Variants in DLG2 observed in about 807,000 individuals in gnomAD.
DLG2 encodes disks large homolog 2.
Under a neutral mutation model 132.5 loss-of-function variants are expected in DLG2, and 45 were observed. The observed-to-expected ratio is 0.34, with a 90% confidence interval of 0.27 to 0.44. DLG2 has a LOEUF of 0.44. Ranked by LOEUF, DLG2 falls within the 20% of genes least tolerant of loss-of-function variation. The pLI is 1.00. For synonymous variants in DLG2, 424 were observed against 419.6 expected, an observed-to-expected ratio of 1.01 and a Z score of -0.13; for missense variants, 1,045 against 1,196.9, an observed-to-expected ratio of 0.87 and a Z score of 1.87.
At chr11:84,927,854 G>A (rs147608967) in intron 6 of DLG2, among the ~76,000 whole-genome samples, 76 of 152,040 alleles carry the variant, frequency 5.0e-4, no homozygotes, top group African/African-American at 1.5e-3. Flanking sequence ...GTGCATCAGT[G>A]TATGTTAGGA....
At chr11:83,753,824 CAT>C (rs562723645) in intron 18 of DLG2, among the ~76,000 whole-genome samples, 1,616 of 36,658 alleles carry the variant, frequency 0.044, 169 homozygotes, top group African/African-American at 0.22. Context: ...ATATATATTT[CAT>C]ATATATATGA....
intron 18 of DLG2, among the ~76,000 whole-genome samples, chr11:83,704,495 G>C (rs548744985): frequency 6.6e-6 from 1 of 151,758 alleles, no homozygotes; most frequent in South Asian, 2.1e-4. Context: ...TTGAAAAATA[G>C]TTTCTGGTTT....
intron 3 of DLG2, among the ~76,000 whole-genome samples, chr11:85,348,731 T>C (rs915522491): frequency 2.6e-5 from 4 of 152,080 alleles, no homozygotes; most frequent in African/African-American, 9.7e-5. Flanking sequence ...TAGGAGTCAT[T>C]CCAGATTCTT....
chr11:84,960,798 G>T (rs750224602), intron 6 of DLG2, among the ~76,000 whole-genome samples: 1 of 151,680 alleles, frequency 6.6e-6, no homozygotes, highest in African/African-American at 2.4e-5. Context: ...ACTGATTTTT[G>T]ATGATGATGA....
At chr11:85,044,950 C>T (rs533476931) in intron 6 of DLG2, among the ~76,000 whole-genome samples, 1 of 152,118 alleles carries the variant, frequency 6.6e-6, no homozygotes, top group East Asian at 1.9e-4. Context: ...TGGCAGGATA[C>T]TGATATAACT....
At chr11:85,598,592 C>T (rs1478875527) in intron 3 of DLG2, 65 bp downstream of exon 3, 1 of 1,238,310 alleles carries the variant, frequency 8.1e-7, no homozygotes, top group South Asian at 2.0e-5. Context: ...TCTTTGACCA[C>T]ATTATTCAAA....
At chr11:85,091,061 G>A (rs2068687350) in intron 6 of DLG2, among the ~76,000 whole-genome samples, 1 of 152,110 alleles carries the variant, frequency 6.6e-6, no homozygotes, top group Non-Finnish European at 1.5e-5. Context: ...TTACAGAGAG[G>A]ACTATGCCAA....
chr11:84,375,561 ATATC>A (rs1423609597), intron 7 of DLG2, among the ~76,000 whole-genome samples: 5 of 152,104 alleles, frequency 3.3e-5, no homozygotes, highest in Admixed American at 6.6e-5. Context: ...TAAAATGTGG[ATATC>A]TATCTTTTTG....
intron 7 of DLG2, among the ~76,000 whole-genome samples, chr11:84,295,282 T>A (rs566367785): frequency 6.6e-6 from 1 of 152,202 alleles, no homozygotes; most frequent in Non-Finnish European, 1.5e-5. Flanking sequence ...TTGGGGGTTA[T>A]GTTAAAATAA....
At chr11:85,546,104 C>T (rs533915458) in intron 3 of DLG2, among the ~76,000 whole-genome samples, 62 of 152,000 alleles carry the variant, frequency 4.1e-4, no homozygotes, top group East Asian at 1.9e-4. Flanking sequence ...TTTAGATCTC[C>T]CCTGCTTTCT....
chr11:83,499,898 T>TATATATATATAA (rs1555113167), intron 21 of DLG2, among the ~76,000 whole-genome samples: 8 of 96,500 alleles, frequency 8.3e-5, no homozygotes, highest in Non-Finnish European at 1.3e-4. Context: ...TATATATATA[T>TATATATATATAA]CAGTTCTGTC....
chr11:85,398,340 T>C lies in DLG2; in HGVS notation c.41-112975A>G, dbSNP rs576960779. Among the ~76,000 whole-genome samples the C allele has an allele frequency of 1.4e-4, 22 of 152,228 alleles. 1 individual carries two copies. Among genetic ancestry groups the C allele is most frequent in the African/African-American group, 4.3e-4 (18 of 41,534 alleles). Reference sequence around the variant, plus strand: ...AAGAGAAAACAGGAAAGATCTAAAATTGACACCTTAACATCATAATTAAAA... The same window carrying C: ...AAGAGAAAACAGGAAAGATCTAAAACTGACACCTTAACATCATAATTAAAA... On this transcript the variant is annotated intron_variant, in intron 3 of 27. Transcript: ENST00000376104.
chr11:85,094,735 A>C (rs967915985), intron 6 of DLG2, among the ~76,000 whole-genome samples: 1 of 152,228 alleles, frequency 6.6e-6, no homozygotes, highest in Admixed American at 6.5e-5. Flanking sequence ...CCATATCAGC[A>C]ATAAGGTTGT....
intron 6 of DLG2, among the ~76,000 whole-genome samples, chr11:85,010,951 A>T (rs2059103392): frequency 6.6e-6 from 1 of 152,196 alleles, no homozygotes; most frequent in African/African-American, 2.4e-5. Flanking sequence ...AATTATAAAA[A>T]GATTTTACTT....
At chr11:84,154,583 T>C (rs1481149636) in intron 9 of DLG2, among the ~76,000 whole-genome samples, 1 of 152,176 alleles carries the variant, frequency 6.6e-6, no homozygotes, top group Non-Finnish European at 1.5e-5. Context: ...TGTGCTGTGT[T>C]GGTGTGCTGC....
rs559094823 is a variant in DLG2 at position 84,181,546 on chromosome 11, T to G, written c.574-18035A>C. ...CATCAATAATCACTTTAAATATCAA[T>G]GGTATAAATACATCAATTCAAGAGC... On this transcript the variant is annotated intron_variant, in intron 8 of 27. Coordinates refer to ENST00000376104, the MANE Select transcript of DLG2 (RefSeq NM_001142699.3). Among the ~76,000 whole-genome samples, 46 of 152,208 alleles carry G rather than the reference T, an allele frequency of 3.0e-4. 1 individual carries two copies. Among genetic ancestry groups the G allele is most frequent in the Middle Eastern group, 3.4e-3 (1 of 294 alleles).
chr11:84,843,573 G>A (rs894358043), intron 6 of DLG2, among the ~76,000 whole-genome samples: 2 of 151,868 alleles, frequency 1.3e-5, no homozygotes, highest in Non-Finnish European at 2.9e-5. Context: ...AACCCTCCCA[G>A]ACACCAACAT....
intron 19 of DLG2, among the ~76,000 whole-genome samples, chr11:83,556,912 C>A (rs528317797): frequency 1.3e-5 from 2 of 152,312 alleles, no homozygotes; most frequent in African/African-American, 2.4e-5. Flanking sequence ...GTCTAACTGA[C>A]CCCTGGCCAG....
At chr11:83,871,222 G>GA (rs1285815846) in intron 16 of DLG2, among the ~76,000 whole-genome samples, 3 of 152,114 alleles carry the variant, frequency 2.0e-5, no homozygotes, top group African/African-American at 7.2e-5. Flanking sequence ...ACTGAAACCA[G>GA]AACTTATTCT....
Sources: allele counts gnomAD v4.1 joint callset (sites outside exome capture counted in the v4.1 genomes callset), GRCh38; gene constraint gnomAD v4.1.1; transcripts MANE v1.5; gene names NCBI Gene and HGNC (gene_info 2026-07-23, HGNC 2026-07-21).